Variants in ZNF449 observed in about 807,000 individuals in gnomAD.
ZNF449 encodes the protein zinc finger and SCAN domain-containing protein 19.
In ZNF449, 4 loss-of-function variants were observed where a neutral mutation model predicts 32.6. The ratio of observed to expected loss-of-function variants is 0.12; its 90% CI spans 0.06 to 0.28. The LOEUF is 0.28. Among genes scored for constraint, ZNF449 ranks in the 10% least tolerant of loss-of-function variants. The pLI is 1.00. For missense variants in ZNF449, 275 were observed against 383.2 expected (o/e 0.72, Z 2.36); for synonymous variants, 123 against 132.2 (o/e 0.93, Z 0.48).
intron 3 of ZNF449, among the ~76,000 whole-genome samples, chrX:135,356,217 T>C (rs1242749185): frequency 8.9e-6 from 1 of 112,182 alleles, no homozygotes; most frequent in African/African-American, 3.2e-5. Context: ...GGTAACTCTA[T>C]GTTTAAACTT....
At chrX:135,348,134 C>CT in intron 2 of ZNF449, 1 of 128,066 alleles carries the variant, frequency 7.8e-6, no homozygotes, top group Admixed American at 8.7e-5. Context: ...GTACTACGAA[C>CT]AGTGTTGCTC....
chrX:135,360,532 T>G lies in ZNF449; in HGVS notation c.1013T>G (p.Leu338Arg), dbSNP rs1556453402. ...CGKCFARKSQ[L>R]TGHQRIHSGE... ...AAATGTTTTGCTCGGAAGTCACAACTTACTGGGCATCAGAGAATTCATTCA... is the reference window on the plus strand; with the variant it reads ...AAATGTTTTGCTCGGAAGTCACAACGTACTGGGCATCAGAGAATTCATTCA... The change falls in exon 5 of 5, where the codon CTT (leucine) becomes CGT (arginine). Residue 338 changes from leucine (L) to arginine (R), a missense_variant. This residue lies in a region of ZNF449 where 80 missense variants were observed against 146.6 expected (regional missense o/e 0.55). Transcript: ENST00000339249. 1 of 1,209,898 alleles carries G rather than the reference T, an allele frequency of 8.3e-7. No individual in the cohort carries two copies. Among genetic ancestry groups the G allele is most frequent in the East Asian group, 3.0e-5 (1 of 33,772 alleles).
intron 3 of ZNF449, among the ~76,000 whole-genome samples, chrX:135,359,287 C>A (rs2084933172): frequency 9.0e-6 from 1 of 111,267 alleles, no homozygotes; most frequent in Non-Finnish European, 1.9e-5. Flanking sequence ...CCTGGTTGTC[C>A]TTAGATTGAC....
At chrX:135,354,145 A>T (rs938762498) in intron 3 of ZNF449, among the ~76,000 whole-genome samples, 1 of 112,311 alleles carries the variant, frequency 8.9e-6, no homozygotes, top group African/African-American at 3.2e-5. Flanking sequence ...ACTTTAATAG[A>T]TATTGTCAAA....
intron 3 of ZNF449, among the ~76,000 whole-genome samples, chrX:135,356,732 A>G (rs2148505871): frequency 8.9e-6 from 1 of 112,051 alleles, no homozygotes; most frequent in African/African-American, 3.2e-5. Flanking sequence ...TTTGTTATAT[A>G]TTGTATTCTT....
In ZNF449 at chrX:135,349,468, C is replaced by A. The variant is rs1415487568; in HGVS notation, c.559+154C>A. 9.8e-5 allele frequency among the ~76,000 whole-genome samples: 11 copies of A among 112,178 alleles called. No homozygotes were observed. The East Asian group carries it at 3.1e-3, about 31-fold the overall frequency. On this transcript the variant is annotated intron_variant, in intron 3 of 4. Transcript: ENST00000339249. ...AAGTCTCTCTGGGAATAGTAGGGAACAAAGCACTTTGGATAGAACCCTGGG... is the reference window on the plus strand; with the variant it reads ...AAGTCTCTCTGGGAATAGTAGGGAAAAAAGCACTTTGGATAGAACCCTGGG...
chrX:135,348,359 A>C (rs183323928), intron 2 of ZNF449: 112 of 124,906 alleles, frequency 9.0e-4, no homozygotes, highest in Non-Finnish European at 1.8e-3. Flanking sequence ...GGGACATTCC[A>C]CACTTGGTAG....
At position 135,360,215 on chromosome X, in the gene ZNF449, T is replaced by C. The variant is rs1556453052; in HGVS notation, c.696T>C (p.Asn232=). Residue 232 remains asparagine, a synonymous_variant, in exon 5 of 5, where the codon AAT becomes AAC. Transcript: ENST00000339249. ...CAGGTTTTGAGATCGGGATAGAAAA[T>C]GAAGAAGATACTTCAAAACAGAAAA... ...SKIGFEIGIE[N]EEDTSKQKKM... is the part of the protein sequence containing the mutation. The C allele has an allele frequency of 8.4e-7, 1 of 1,184,118 alleles. No homozygotes were observed. Among genetic ancestry groups the C allele is most frequent in the Non-Finnish European group, 1.1e-6 (1 of 885,304 alleles).
At position 135,349,097 on chromosome X, in the gene ZNF449, G is replaced by T. The variant is rs1411753267; in HGVS notation, c.355-13G>T. 1 of 1,208,406 alleles carries T rather than the reference G, an allele frequency of 8.3e-7. No individual in the cohort carries two copies. The highest frequency in any genetic ancestry group is 3.0e-5 in the East Asian group (1 of 33,759). ...TCTAGACTTGAGAGTGATGGTTCTG[G>T]CATTTCCCCCAGGTTGATATGCATG... On this transcript the variant is annotated splice_polypyrimidine_tract_variant and intron_variant, in intron 2 of 4. Coordinates refer to ENST00000339249, the MANE Select transcript of ZNF449 (RefSeq NM_152695.6).
rs782074845 is a variant in ZNF449, at chrX:135,362,573, A to G, written c.*1497A>G. 2 of 112,551 alleles carry G rather than the reference A, an allele frequency of 1.8e-5. No individual in the cohort carries two copies. The highest frequency in any genetic ancestry group is 5.6e-4 in the East Asian group (2 of 3,598). 9.3% of individuals were successfully genotyped at this position (112,551 alleles called of 1,213,427 possible). A position where few individuals can be genotyped will look rare whatever the true frequency, so the allele number is the denominator to read the frequency against. On this transcript the variant is annotated 3_prime_UTR_variant, in exon 5 of 5. Coordinates refer to ENST00000339249, the MANE Select transcript of ZNF449 (RefSeq NM_152695.6). ...TGAGCCTAGTTCCTTGTTATAAAAT[A>G]CAAGAAATAAGACATTCAGGCATTT... is the stretch of plus-strand genomic sequence containing the variant.
At position 135,348,568 on chromosome X, in the gene ZNF449, G is replaced by A. The variant is rs1337719587; in HGVS notation, c.355-542G>A. 1.6e-5 allele frequency: 3 copies of A among 188,440 alleles called. No homozygotes were observed. In the Admixed American group the frequency reaches 2.3e-4, roughly 14 times the overall value. The allele number at this position is 188,440 out of a possible 1,213,427, so 15.5% of individuals were successfully genotyped here. A position where few individuals can be genotyped will look rare whatever the true frequency, so the allele number is the denominator to read the frequency against. On this transcript the variant is annotated intron_variant, in intron 2 of 4. Coordinates refer to ENST00000339249, the MANE Select transcript of ZNF449 (RefSeq NM_152695.6). ...AAAAGGGAGCAGGAGCTTCCAGATG[G>A]GCATCAGGGATACTCCAGTCTTGTC...
chrX:135,362,163 A>T lies in ZNF449; in HGVS notation c.*1087A>T, dbSNP rs1341450438. On this transcript the variant is annotated 3_prime_UTR_variant, in exon 5 of 5. Transcript: ENST00000339249. ...AGTTGTTTTAAGGGTGTTATGAAAAATTCTTAAAATATATATGAATTTGTG... is the reference window on the plus strand; with the variant it reads ...AGTTGTTTTAAGGGTGTTATGAAAATTTCTTAAAATATATATGAATTTGTG... The T allele has an allele frequency of 8.9e-6, 1 of 111,855 alleles. No homozygotes were observed. The highest frequency in any genetic ancestry group is 3.2e-5 in the African/African-American group (1 of 30,825). The allele number at this position is 111,855 out of a possible 1,213,427, so 9.2% of individuals were successfully genotyped here.
intron 3 of ZNF449, among the ~76,000 whole-genome samples, chrX:135,351,709 G>A (rs887164464): frequency 3.0e-5 from 3 of 99,766 alleles, no homozygotes; most frequent in African/African-American, 1.1e-4. Flanking sequence ...ATGTGTATAT[G>A]CCTGGAACAA....
Position 135,362,669 on chromosome X carries a change from T to C in ZNF449, c.*1593T>C, listed in dbSNP as rs1254332896. 5 of 112,242 alleles carry C rather than the reference T, an allele frequency of 4.5e-5. No individual in the cohort carries two copies. The highest frequency in any genetic ancestry group is 1.6e-4 in the African/African-American group (5 of 30,932). The allele number at this position is 112,242 out of a possible 1,213,427, so 9.3% of individuals were successfully genotyped here. On this transcript the variant is annotated 3_prime_UTR_variant, in exon 5 of 5. Transcript: ENST00000339249. ...AGGAAAAGTATATGTCTTTATTCCA[T>C]TGAAGTTCTCGAGAGTGATATAAAT...
chrX:135,345,440 C>T (rs2148502219), intron 1 of ZNF449, among the ~76,000 whole-genome samples: 1 of 111,743 alleles, frequency 8.9e-6, no homozygotes, highest in African/African-American at 3.3e-5. Flanking sequence ...CAGCACAGTT[C>T]CTGGATGCCC....
chrX:135,345,306 C>T (rs1474631933), intron 1 of ZNF449, among the ~76,000 whole-genome samples: 2 of 112,143 alleles, frequency 1.8e-5, no homozygotes, highest in African/African-American at 3.2e-5. Context: ...TGGGAAGGGT[C>T]CATCGAAGGA....
In ZNF449 at chrX:135,347,018, G is replaced by C. The variant is rs1400094513; in HGVS notation, c.-100-1G>C. The C allele has an allele frequency of 1.2e-5, 10 of 823,819 alleles. No homozygotes were observed. The highest frequency in any genetic ancestry group is 1.7e-5 in the Non-Finnish European group (10 of 580,985). 67.9% of individuals were successfully genotyped at this position (823,819 alleles called of 1,213,427 possible). On this transcript the variant is annotated splice_acceptor_variant, in intron 1 of 4. Coordinates refer to ENST00000339249, the MANE Select transcript of ZNF449 (RefSeq NM_152695.6). LOFTEE classifies it low-confidence loss of function (5UTR_SPLICE). Reference sequence around the variant, plus strand: ...CCTTTCTCATTTTTTTCTGTCCTTAGCTGTAGGTGGCTCCCTCCCACCCCA... The same window carrying C: ...CCTTTCTCATTTTTTTCTGTCCTTACCTGTAGGTGGCTCCCTCCCACCCCA...
rs2084941307 is a variant in ZNF449, at chrX:135,360,518, T to C, written c.999T>C (p.Ala333=). ...HRCPQCGKCF[A]RKSQLTGHQR... is the part of the protein sequence containing the mutation. ...GTCCTCAGTGTGGAAAATGTTTTGC[T>C]CGGAAGTCACAACTTACTGGGCATC... is the stretch of plus-strand genomic sequence containing the variant. Residue 333 remains alanine (A), a synonymous_variant, in exon 5 of 5, where the codon GCT becomes GCC. Transcript: ENST00000339249. The C allele has an allele frequency of 3.0e-5, 36 of 1,209,765 alleles. No homozygotes were observed. Among genetic ancestry groups the C allele is most frequent in the Non-Finnish European group, 3.9e-5 (35 of 895,072 alleles).
At chrX:135,347,784 A>T (rs1411297140) in intron 2 of ZNF449, 3 of 609,973 alleles carry the variant, frequency 4.9e-6, no homozygotes, top group Non-Finnish European at 7.5e-6. Context: ...CTGAAGGCCA[A>T]TTCTAGCCAT....
Sources: allele counts gnomAD v4.1 joint callset (sites outside exome capture counted in the v4.1 genomes callset), GRCh38; gene constraint gnomAD v4.1.1; regional missense constraint gnomAD v4.1.1; transcripts MANE v1.5; gene names NCBI Gene and HGNC (gene_info 2026-07-23, HGNC 2026-07-21).